Variants in USP30 observed in about 807,000 individuals in gnomAD.
The protein encoded by USP30 is ubiquitin carboxyl-terminal hydrolase 30.
In USP30, 41 loss-of-function variants were observed where a neutral mutation model predicts 68.2. The observed-to-expected ratio is 0.60, with a 90% CI of 0.47 to 0.78. The LOEUF is 0.78. Ranked by LOEUF, USP30 falls within the 30% of genes least tolerant of loss-of-function variation. USP30 has a pLI of 0.00. For synonymous variants in USP30, 229 were observed against 253.7 expected, an observed-to-expected ratio of 0.90 and a Z score of 0.93; for missense variants, 522 against 649.4, an observed-to-expected ratio of 0.80 and a Z score of 2.13.
intron 3 of USP30, among the ~76,000 whole-genome samples, chr12:109,029,267 A>G (rs2040465049): frequency 6.6e-6 from 1 of 152,230 alleles, no homozygotes; most frequent in East Asian, 1.9e-4. Flanking sequence ...CAACTGTCAA[A>G]GACAAGTTTA....
chr12:109,039,234 A>C (rs998266031), intron 3 of USP30, among the ~76,000 whole-genome samples: 3 of 152,182 alleles, frequency 2.0e-5, no homozygotes, highest in African/African-American at 7.2e-5. Flanking sequence ...TTAACTTTCA[A>C]TTGTAGATCT....
chr12:109,023,628 CTTTTTTT>C (rs1179349331), intron 1 of USP30, among the ~76,000 whole-genome samples: 1 of 72,706 alleles, frequency 1.4e-5, no homozygotes, highest in African/African-American at 5.1e-5. Flanking sequence ...TTAATCAGGA[CTTTTTTT>C]TTTTTTTTTT....
chr12:109,038,063 G>T (rs1028054040), intron 3 of USP30, among the ~76,000 whole-genome samples: 1 of 151,806 alleles, frequency 6.6e-6, no homozygotes, highest in South Asian at 2.1e-4. Context: ...ATGCAGGTTT[G>T]TTACATAGGT....
At chr12:109,081,768 G>T in intron 8 of USP30, 165 bp from the exon 9 acceptor site, 1 of 690,384 alleles carries the variant, frequency 1.4e-6, no homozygotes, top group East Asian at 2.6e-5. Context: ...GCAGTCTAGG[G>T]TGCTTTGAGC....
At chr12:109,077,528 C>G (rs1156550803) in intron 7 of USP30, among the ~76,000 whole-genome samples, 1 of 152,138 alleles carries the variant, frequency 6.6e-6, no homozygotes, top group African/African-American at 2.4e-5. Flanking sequence ...TTCTTTCTGT[C>G]ATTTTCGGCC....
chr12:109,085,028 T>C lies in USP30; in HGVS notation c.1244T>C (p.Leu415Pro). Reference protein sequence around the residue: ...GACSPSLLPTLSAPMPFPLPV... With the variant: ...GACSPSLLPTPSAPMPFPLPV... Reference sequence around the variant, plus strand: ...TGCTCCCCATCTTTATTGCCAACGCTGTCAGCGCCGATGCCCTTCCCTCTC... The same window carrying C: ...TGCTCCCCATCTTTATTGCCAACGCCGTCAGCGCCGATGCCCTTCCCTCTC... Residue 415 changes from leucine to proline, a missense_variant, in exon 12 of 13, where the codon CTG (leucine) becomes CCG (proline). Physicochemically the swap from Leu to Pro is moderately conservative, Grantham distance 98. Coordinates refer to ENST00000257548, the MANE Select transcript of USP30 (RefSeq NM_032663.5). 1 of 1,605,946 alleles carries C rather than the reference T, an allele frequency of 6.2e-7. No homozygotes were observed. The highest frequency in any genetic ancestry group is 1.1e-5 in the South Asian group (1 of 89,616).
Position 109,086,076 on chromosome 12 carries a change from C to T in USP30, c.*145C>T. 8.0e-7 allele frequency: 1 copy of T among 1,254,524 alleles called. No individual in the cohort carries two copies. The highest frequency in any genetic ancestry group is 2.6e-5 in the East Asian group (1 of 39,200). The allele number at this position is 1,254,524 out of a possible 1,614,324, so 77.7% of individuals were successfully genotyped here. On this transcript the variant is annotated 3_prime_UTR_variant, in exon 13 of 13. Coordinates refer to ENST00000257548, the MANE Select transcript of USP30 (RefSeq NM_032663.5). ...TCTAAGAGCAGGCTCCACCTGGGAG[C>T]CAGCCCCAGTTCACACCAAACCAGG...
chr12:109,056,633 C>T (rs755366090), intron 1 of USP30, 49 bp from the exon 2 acceptor site: 3 of 1,353,232 alleles, frequency 2.2e-6, no homozygotes, highest in East Asian at 2.3e-5. Flanking sequence ...TGTATATTTG[C>T]CTTTTGTGTT....
intron 7 of USP30, among the ~76,000 whole-genome samples, chr12:109,077,590 T>C (rs2135801538): frequency 6.6e-6 from 1 of 152,370 alleles, no homozygotes; most frequent in Middle Eastern, 3.4e-3. Flanking sequence ...TCTTGCTTTT[T>C]TAACTAGCTT....
At chr12:109,079,517 C>T (rs1290861760) in intron 7 of USP30, among the ~76,000 whole-genome samples, 1 of 151,492 alleles carries the variant, frequency 6.6e-6, no homozygotes, top group Non-Finnish European at 1.5e-5. Context: ...GTGTGTGCCA[C>T]CACACCCAGC....
chr12:109,060,567 C>G (rs1250182001), intron 3 of USP30, among the ~76,000 whole-genome samples: 1 of 152,256 alleles, frequency 6.6e-6, no homozygotes, highest in East Asian at 1.9e-4. Context: ...TCGCTGCCAG[C>G]GTTCATCTAA....
At chr12:109,023,323 C>A (rs1029494190) in intron 1 of USP30, among the ~76,000 whole-genome samples, 16 of 152,144 alleles carry the variant, frequency 1.1e-4, no homozygotes, top group African/African-American at 3.9e-4. Context: ...GAGGCCGAGG[C>A]GGATGGATCA....
chr12:109,059,224 C>T (rs548729125), intron 3 of USP30, among the ~76,000 whole-genome samples: 13 of 152,280 alleles, frequency 8.5e-5, no homozygotes, highest in Middle Eastern at 3.4e-3. Flanking sequence ...GACAGAGTCT[C>T]ACCTTTTTTT....
chr12:109,054,263 G>A (rs1593236944), intron 1 of USP30, among the ~76,000 whole-genome samples: 1 of 152,324 alleles, frequency 6.6e-6, no homozygotes, highest in East Asian at 1.9e-4. Context: ...GCTCACACCT[G>A]TAATCCCAGC....
intron 4 of USP30, among the ~76,000 whole-genome samples, chr12:109,068,622 T>G (rs961016415): frequency 1.3e-5 from 2 of 152,240 alleles, no homozygotes; most frequent in Admixed American, 6.5e-5. Flanking sequence ...TATCTACATT[T>G]TACATTTCCC....
chr12:109,056,200 TTG>T, intron 1 of USP30, among the ~76,000 whole-genome samples: 2 of 152,106 alleles, frequency 1.3e-5, no homozygotes, highest in East Asian at 1.9e-4. Flanking sequence ...GTTGTTGTTG[TTG>T]TTTTTTATGA....
At chr12:109,041,968 T>G (rs902605287) in intron 3 of USP30, among the ~76,000 whole-genome samples, 2 of 152,208 alleles carry the variant, frequency 1.3e-5, no homozygotes, top group East Asian at 3.9e-4. Context: ...ATTTTTTAAT[T>G]ATAAAAAAAT....
intron 8 of USP30, 151 bp downstream of exon 8, chr12:109,081,544 T>G: frequency 1.2e-6 from 1 of 845,720 alleles, no homozygotes; most frequent in Non-Finnish European, 1.9e-6. Context: ...GGTGGCATGA[T>G]TATGGGAGAG....
intron 3 of USP30, among the ~76,000 whole-genome samples, chr12:109,030,253 T>G (rs2040471376): frequency 6.6e-6 from 1 of 152,132 alleles, no homozygotes; most frequent in Non-Finnish European, 1.5e-5. Context: ...TTTTCCCTCT[T>G]TGAGTCTCAG....
Sources: gnomAD v4.1 joint callset for allele counts (sites outside exome capture counted in the v4.1 genomes callset) on GRCh38, gnomAD v4.1.1 for gene constraint, MANE v1.5 for transcripts, NCBI Gene and HGNC (gene_info 2026-07-23, HGNC 2026-07-21) for gene names.